The following ACAP3 variants were observed in gnomAD, a reference collection of about 807,000 sequenced individuals.
The protein encoded by ACAP3 is arf-GAP with coiled-coil, ANK repeat and PH domain-containing protein 3.
A neutral mutation model predicts 104.1 loss-of-function variants in ACAP3; 56 were observed. The observed-to-expected ratio is 0.54, with a 90% CI of 0.43 to 0.67. The LOEUF is 0.67. Ranked by LOEUF, ACAP3 falls within the 30% of genes least tolerant of loss-of-function variation. ACAP3 has a pLI of 0.00. For missense variants in ACAP3, 1,208 were observed against 1,174.9 expected, an observed-to-expected ratio of 1.03 and a Z score of -0.41; for synonymous variants, 628 against 496.2, an observed-to-expected ratio of 1.27 and a Z score of -3.53.
chr1:1,300,488 C>G, intron 6 of ACAP3, 21 bp downstream of exon 6: 1 of 1,595,254 alleles, frequency 6.3e-7, no homozygotes, highest in Admixed American at 1.8e-5. Flanking sequence ...CCCCGCCCCC[C>G]AGCCCATTTC....
chr1:1,295,571 T>C lies in ACAP3; in HGVS notation c.1706-17A>G. On this transcript the variant is annotated splice_polypyrimidine_tract_variant and intron_variant, in intron 18 of 23. Transcript: ENST00000354700. ...GGGTGCCCACTGCAGGGGCAGTGCG[T>C]GTTCAGAGTGTGGAACAGGCCCGGG... 6.2e-7 allele frequency: 1 copy of C among 1,609,838 alleles called. No homozygotes were observed. The highest frequency in any genetic ancestry group is 1.3e-5 in the African/African-American group (1 of 74,954).
rs74045416 is a variant in ACAP3 at position 1,295,954 on chromosome 1, A to G, written c.1503-16T>C. The G allele has an allele frequency of 3.4e-3, 5,417 of 1,612,606 alleles. 158 individuals are homozygous for G. In the African/African-American group the frequency reaches 0.061, roughly 18 times the overall value. ...CTTGTCCTGCCTGGACCAGGGGGGA[A>G]CATGAGGCTGTGCCCCCAGGCTGGG... On this transcript the variant is annotated splice_polypyrimidine_tract_variant and intron_variant, in intron 17 of 23. Transcript: ENST00000354700.
rs894732829 is a variant in ACAP3 at position 1,292,955 on chromosome 1, G to A, written c.*609C>T. 1 of 152,314 alleles carries A rather than the reference G, an allele frequency of 6.6e-6. No individual in the cohort carries two copies. The highest frequency in any genetic ancestry group is 1.5e-5 in the Non-Finnish European group (1 of 68,094). 9.4% of individuals were successfully genotyped at this position (152,314 alleles called of 1,614,324 possible). On this transcript the variant is annotated 3_prime_UTR_variant, in exon 24 of 24. Coordinates refer to ENST00000354700, the MANE Select transcript of ACAP3 (RefSeq NM_030649.3). ...TCCGGAGGAGGCCGGGATGCGGCTGGGGCTGTCTGGCACGGGGACCTTCGT... is the reference window on the plus strand; with the variant it reads ...TCCGGAGGAGGCCGGGATGCGGCTGAGGCTGTCTGGCACGGGGACCTTCGT...
intron 1 of ACAP3, chr1:1,307,528 C>T: frequency 9.4e-7 from 1 of 1,062,482 alleles, no homozygotes; most frequent in Non-Finnish European, 1.2e-6. Context: ...TCCCGAGGTG[C>T]CCACGGCTGC....
Position 1,302,925 on chromosome 1 carries a change from G to T in ACAP3, c.276C>A (p.His92Gln). 1 of 1,611,400 alleles carries T rather than the reference G, an allele frequency of 6.2e-7. No homozygotes were observed. The highest frequency in any genetic ancestry group is 8.5e-7 in the Non-Finnish European group (1 of 1,179,418). ...GTGGCAGGGAGGCCGCGCTCACCAT[G>T]TGGTAGTTCACCACCTCCTGTAGGC... is the stretch of plus-strand genomic sequence containing the variant. The part of the protein sequence containing the change: ...ADSLQEVVNY[H>Q]MILFDQAQRS... The change falls in exon 4 of 24, where the codon CAC becomes CAA. Residue 92 changes from histidine (H) to glutamine (Q), a missense_variant. Coordinates refer to ENST00000354700, the MANE Select transcript of ACAP3 (RefSeq NM_030649.3).
Position 1,294,519 on chromosome 1 carries a change from G to C in ACAP3, c.2022C>G (p.Arg674=), listed in dbSNP as rs750337212. 1 of 1,505,566 alleles carries C rather than the reference G, an allele frequency of 6.6e-7. No individual in the cohort carries two copies. Among genetic ancestry groups the C allele is most frequent in the Non-Finnish European group, 8.8e-7 (1 of 1,136,666 alleles). 93.3% of individuals were successfully genotyped at this position (1,505,566 alleles called of 1,614,324 possible). A position where few individuals can be genotyped will look rare whatever the true frequency, so the allele number is the denominator to read the frequency against. Residue 674 remains arginine (R), a synonymous_variant, in exon 21 of 24, where the codon CGC becomes CGG. Coordinates refer to ENST00000354700, the MANE Select transcript of ACAP3 (RefSeq NM_030649.3). ...RELHPGLLAH[R]AARARDLPAL... is the part of the protein sequence containing the mutation. ...CAGGAAGGTCGCGGGCACGCGCTGC[G>C]CGGTGCGCCAAGAGCCCCGGGTGCA...
At position 1,301,968 on chromosome 1, in the gene ACAP3, C is replaced by A; in HGVS notation, c.338+20G>T. 1 of 1,549,444 alleles carries A rather than the reference C, an allele frequency of 6.5e-7. No individual in the cohort carries two copies. Among genetic ancestry groups the A allele is most frequent in the Non-Finnish European group, 8.7e-7 (1 of 1,145,830 alleles). ...GAGCGTGGCCTCAGTGTTCTTCCCC[C>A]AGCCCTGGGGGCCACTCACTCTTTG... On this transcript the variant is annotated intron_variant, in intron 5 of 23. Coordinates refer to ENST00000354700, the MANE Select transcript of ACAP3 (RefSeq NM_030649.3).
At position 1,303,418 on chromosome 1, in the gene ACAP3, G is replaced by A. The variant is rs367679762; in HGVS notation, c.106-137C>T. ...GTTGGCACTCAGGACTCAGTGCCCC[G>A]GTGCAGCTTCCTCACGCCTGGGCCT... is the stretch of plus-strand genomic sequence containing the variant. On this transcript the variant is annotated intron_variant, in intron 2 of 23. Coordinates refer to ENST00000354700, the MANE Select transcript of ACAP3 (RefSeq NM_030649.3). The surrounding 1 kb of genome is among the most constrained non-coding windows in gnomAD (Gnocchi z 4.0). 129 of 1,278,978 alleles carry A rather than the reference G, an allele frequency of 1.0e-4. No individual in the cohort carries two copies. In the East Asian group the frequency reaches 2.2e-3, roughly 22 times the overall value. The allele number at this position is 1,278,978 out of a possible 1,614,324, so 79.2% of individuals were successfully genotyped here. A position where few individuals can be genotyped will look rare whatever the true frequency, so the allele number is the denominator to read the frequency against.
Position 1,302,988 on chromosome 1 carries a change from A to G in ACAP3, c.226-13T>C. On this transcript the variant is annotated splice_polypyrimidine_tract_variant and intron_variant, in intron 3 of 23. Transcript: ENST00000354700. The stretch of plus-strand genomic sequence containing the variant: ...TCTGCAGACATTCCTGGAGGAGCAG[A>G]TGGGAACCCGTGCTGAGATGGCAAA... The G allele has an allele frequency of 1.2e-6, 2 of 1,608,152 alleles. No homozygotes were observed. Among genetic ancestry groups the G allele is most frequent in the Non-Finnish European group, 1.7e-6 (2 of 1,177,446 alleles).
At chr1:1,300,276 C>T in intron 6 of ACAP3, 74 bp from the exon 7 acceptor site, 1 of 1,502,020 alleles carries the variant, frequency 6.7e-7, no homozygotes, top group South Asian at 1.3e-5. Context: ...CCATAGAGTC[C>T]ACCTGAGCTG....
At chr1:1,306,839 C>T (rs577519974) in intron 1 of ACAP3, among the ~76,000 whole-genome samples, 2 of 152,374 alleles carry the variant, frequency 1.3e-5, no homozygotes, top group East Asian at 1.9e-4. Flanking sequence ...GTGTCTATTG[C>T]TGACATGGCT....
At chr1:1,307,694 C>A (rs991150962) in intron 1 of ACAP3, 75 bp downstream of exon 1, 13 of 1,059,558 alleles carry the variant, frequency 1.2e-5, no homozygotes, top group African/African-American at 3.4e-5. Context: ...CTGACCTCCC[C>A]ACCCCGCCGC....
Position 1,303,994 on chromosome 1 carries a change from G to T in ACAP3, c.105+92C>A. On this transcript the variant is annotated intron_variant, in intron 2 of 23. Coordinates refer to ENST00000354700, the MANE Select transcript of ACAP3 (RefSeq NM_030649.3). The surrounding 1 kb of genome is among the most constrained non-coding windows in gnomAD (Gnocchi z 4.0). ...CACGCATGCTCCACATATGGGGGGT[G>T]TAAGTGGCTTAGTAAGGCCTGGAGG... The T allele has an allele frequency of 1.4e-6, 2 of 1,459,164 alleles. No homozygotes were observed. The highest frequency in any genetic ancestry group is 1.9e-6 in the Non-Finnish European group (2 of 1,070,502). The allele number at this position is 1,459,164 out of a possible 1,614,324, so 90.4% of individuals were successfully genotyped here. A position where few individuals can be genotyped will look rare whatever the true frequency, so the allele number is the denominator to read the frequency against.
intron 11 of ACAP3, 40 bp from the exon 12 acceptor site, chr1:1,298,461 A>T (rs1245408956): frequency 1.3e-6 from 2 of 1,592,476 alleles, no homozygotes; most frequent in Non-Finnish European, 1.7e-6. Context: ...GGCGGGGCCC[A>T]TCCCAGGGCT....
At chr1:1,304,029 G>A in intron 2 of ACAP3, 57 bp downstream of exon 2, 1 of 1,546,820 alleles carries the variant, frequency 6.5e-7, no homozygotes, top group Non-Finnish European at 8.7e-7. Flanking sequence ...GGCGAGTCTG[G>A]CCATGTGGCC....
At chr1:1,306,461 C>A (rs1641699042) in intron 1 of ACAP3, among the ~76,000 whole-genome samples, 1 of 152,160 alleles carries the variant, frequency 6.6e-6, no homozygotes, top group Non-Finnish European at 1.5e-5. Context: ...ACCCCTTTTC[C>A]CAGGTCAGCA....
Position 1,307,819 on chromosome 1 carries a change from T to C in ACAP3, c.-4A>G, listed in dbSNP as rs1247350913. ...ACTCCTCGAACTCCACGGTCATGGCTGCGGCGGCCGCGGCGCTCACTGGCA... is the reference window on the plus strand; with the variant it reads ...ACTCCTCGAACTCCACGGTCATGGCCGCGGCGGCCGCGGCGCTCACTGGCA... On this transcript the variant is annotated 5_prime_UTR_variant, in exon 1 of 24. Coordinates refer to ENST00000354700, the MANE Select transcript of ACAP3 (RefSeq NM_030649.3). 3 of 1,057,466 alleles carry C rather than the reference T, an allele frequency of 2.8e-6. No individual in the cohort carries two copies. In the African/African-American group the frequency reaches 5.1e-5, roughly 18 times the overall value. The allele number at this position is 1,057,466 out of a possible 1,614,324, so 65.5% of individuals were successfully genotyped here. A position where few individuals can be genotyped will look rare whatever the true frequency, so the allele number is the denominator to read the frequency against.
At chr1:1,294,899 C>A in intron 19 of ACAP3, 83 bp from the exon 20 acceptor site, 1 of 1,425,394 alleles carries the variant, frequency 7.0e-7, no homozygotes. Context: ...GGAACTCCAC[C>A]CACCCTCCAG....
chr1:1,295,973 G>C (rs1194992084), intron 17 of ACAP3, 35 bp from the exon 18 acceptor site: 1 of 1,612,720 alleles, frequency 6.2e-7, no homozygotes. Context: ...TGTGCCCCCA[G>C]GCTGGGGCTC....
Sources: gnomAD v4.1 joint callset for allele counts (sites outside exome capture counted in the v4.1 genomes callset) on GRCh38, gnomAD v4.1.1 for gene constraint, Gnocchi (gnomAD v3.1) non-coding constraint, MANE v1.5 for transcripts, NCBI Gene and HGNC (gene_info 2026-07-23, HGNC 2026-07-21) for gene names.